FOXO1: variants seen among roughly 807,000 people sequenced by gnomAD.
FOXO1 encodes the protein forkhead box protein O1.
Under a neutral mutation model 44.1 loss-of-function variants are expected in FOXO1, and 6 were observed. The ratio of observed to expected loss-of-function variants is 0.14; its 90% CI spans 0.07 to 0.27. FOXO1 has a LOEUF of 0.27. Among genes scored for constraint, FOXO1 ranks in the 10% least tolerant of loss-of-function variants. FOXO1 has a pLI of 1.00. For synonymous variants in FOXO1, 380 were observed against 362.7 expected (o/e 1.05, Z -0.54); for missense variants, 737 against 888.8 (o/e 0.83, Z 2.17).
intron 1 of FOXO1, among the ~76,000 whole-genome samples, chr13:40,620,821 T>C (rs183605299): frequency 2.4e-4 from 36 of 149,230 alleles, no homozygotes; most frequent in African/African-American, 8.4e-4. Context: ...TTTTTTGAGA[T>C]GGAGTCTCAC....
chr13:40,658,685 T>A (rs572433334), intron 1 of FOXO1, among the ~76,000 whole-genome samples: 3 of 152,114 alleles, frequency 2.0e-5, no homozygotes, highest in Admixed American at 6.5e-5. Flanking sequence ...GAATCCAAGA[T>A]AAGAAACGAT....
At chr13:40,595,678 C>T (rs1875551103) in intron 1 of FOXO1, among the ~76,000 whole-genome samples, 1 of 152,088 alleles carries the variant, frequency 6.6e-6, no homozygotes. Flanking sequence ...AATAAATTCA[C>T]AATTTCCTCT....
chr13:40,627,951 G>A (rs1349289206), intron 1 of FOXO1, among the ~76,000 whole-genome samples: 1 of 152,036 alleles, frequency 6.6e-6, no homozygotes, highest in African/African-American at 2.4e-5. Flanking sequence ...AAGGAATACA[G>A]CAGCATCACT....
intron 1 of FOXO1, among the ~76,000 whole-genome samples, chr13:40,612,794 T>C (rs1566075518): frequency 6.6e-6 from 1 of 152,224 alleles, no homozygotes; most frequent in Non-Finnish European, 1.5e-5. Flanking sequence ...AATCTCTTAC[T>C]CTGCCTAATG....
At chr13:40,581,319 T>C (rs1002857603) in intron 1 of FOXO1, among the ~76,000 whole-genome samples, 1 of 152,200 alleles carries the variant, frequency 6.6e-6, no homozygotes, top group Non-Finnish European at 1.5e-5. Context: ...TCATGAGAAC[T>C]TGCAGAGGGC....
intron 1 of FOXO1, among the ~76,000 whole-genome samples, chr13:40,600,566 C>CA (rs1320790435): frequency 3.3e-5 from 5 of 152,102 alleles, no homozygotes; most frequent in East Asian, 1.9e-4. Context: ...CAGATTCTCC[C>CA]AAAAAACACA....
At chr13:40,620,825 G>GT (rs1555251555) in intron 1 of FOXO1, among the ~76,000 whole-genome samples, 1 of 109,630 alleles carries the variant, frequency 9.1e-6, no homozygotes, top group Non-Finnish European at 1.8e-5. Flanking sequence ...TTGAGATGGA[G>GT]TCTCACTCAG....
At chr13:40,623,762 C>A (rs1049999479) in intron 1 of FOXO1, among the ~76,000 whole-genome samples, 5 of 151,812 alleles carry the variant, frequency 3.3e-5, no homozygotes, top group African/African-American at 1.2e-4. Context: ...TAAATCAGAG[C>A]GCATCCCATA....
chr13:40,631,296 A>G (rs1233493607), intron 1 of FOXO1, among the ~76,000 whole-genome samples: 6 of 152,202 alleles, frequency 3.9e-5, no homozygotes, highest in Non-Finnish European at 7.3e-5. Flanking sequence ...CATGGCATAT[A>G]CCAAAATCAA....
intron 1 of FOXO1, among the ~76,000 whole-genome samples, chr13:40,576,181 G>A (rs1008430696): frequency 1.3e-5 from 2 of 152,186 alleles, no homozygotes; most frequent in Admixed American, 6.5e-5. Context: ...TATGTCTGGA[G>A]AAAAGAGAAG....
intron 1 of FOXO1, among the ~76,000 whole-genome samples, chr13:40,661,807 A>G (rs1878045495): frequency 6.6e-6 from 1 of 152,140 alleles, no homozygotes; most frequent in South Asian, 2.1e-4. Context: ...ATTTCAAAAC[A>G]TAAGGAAATC....
intron 1 of FOXO1, among the ~76,000 whole-genome samples, chr13:40,661,667 C>A (rs1878040616): frequency 6.6e-6 from 1 of 152,138 alleles, no homozygotes; most frequent in South Asian, 2.1e-4. Flanking sequence ...ATCCTCTAAC[C>A]ACTCGGTCTC....
In FOXO1 at chr13:40,559,985, C is replaced by T. The variant is rs34650827; in HGVS notation, c.1506G>A (p.Ser502=). The change falls in exon 2 of 3, where the codon TCG becomes TCA. Residue 502 remains serine, a synonymous_variant. Transcript: ENST00000379561. ...LGQNVMMGPN[S]VMSTYGSQAS... ...CCTGGCTGCCATAGGTTGACATGACCGAATTAGGGCCCATCATGACGTTCT... is the reference window on the plus strand; with the variant it reads ...CCTGGCTGCCATAGGTTGACATGACTGAATTAGGGCCCATCATGACGTTCT... 2,357 of 1,614,024 alleles carry T rather than the reference C, an allele frequency of 1.5e-3. 39 individuals are homozygous for T. The East Asian group carries it at 0.033, about 23-fold the overall frequency.
At chr13:40,617,593 C>T (rs967291092) in intron 1 of FOXO1, among the ~76,000 whole-genome samples, 2 of 152,038 alleles carry the variant, frequency 1.3e-5, no homozygotes, top group South Asian at 4.2e-4. Context: ...CTAATAGAGA[C>T]ACAGAGCCAC....
intron 1 of FOXO1, among the ~76,000 whole-genome samples, chr13:40,635,169 A>G (rs918004013): frequency 6.6e-6 from 1 of 151,436 alleles, no homozygotes; most frequent in African/African-American, 2.4e-5. Context: ...GATATCAGAC[A>G]AAGAAATCGT....
intron 1 of FOXO1, among the ~76,000 whole-genome samples, chr13:40,561,826 G>A (rs559654916): frequency 3.3e-5 from 5 of 151,792 alleles, no homozygotes; most frequent in Middle Eastern, 3.4e-3. Flanking sequence ...AAAATTAGTC[G>A]GGTGTGGTGG....
chr13:40,663,742 G>T (rs980079465), intron 1 of FOXO1, among the ~76,000 whole-genome samples: 1 of 152,240 alleles, frequency 6.6e-6, no homozygotes, highest in Non-Finnish European at 1.5e-5. Context: ...GCCTGGTAAT[G>T]AAGCGATAAG....
At chr13:40,612,147 G>A (rs1876256057) in intron 1 of FOXO1, among the ~76,000 whole-genome samples, 2 of 152,136 alleles carry the variant, frequency 1.3e-5, no homozygotes, top group African/African-American at 4.8e-5. Context: ...CCTTTTTACA[G>A]GCCTACTGAA....
At chr13:40,592,018 T>G (rs1430981709) in intron 1 of FOXO1, among the ~76,000 whole-genome samples, 1 of 152,162 alleles carries the variant, frequency 6.6e-6, no homozygotes, top group East Asian at 1.9e-4. Context: ...TATTAGAAAT[T>G]TTTTGTTTCT....
Sources: allele counts gnomAD v4.1 joint callset (sites outside exome capture counted in the v4.1 genomes callset), GRCh38; gene constraint gnomAD v4.1.1; transcripts MANE v1.5; gene names NCBI Gene and HGNC (gene_info 2026-07-23, HGNC 2026-07-21).